Variants in LOXL2 observed in about 807,000 individuals in gnomAD.
LOXL2 encodes the protein lysyl oxidase homolog 2.
A neutral mutation model predicts 93.0 loss-of-function variants in LOXL2; 70 were observed. The ratio of observed to expected loss-of-function variants is 0.75; its 90% confidence interval spans 0.62 to 0.92. LOXL2 has a LOEUF of 0.92. Ranked by LOEUF, LOXL2 falls within the 40% of genes least tolerant of loss-of-function variation. The pLI, the probability that LOXL2 is intolerant of heterozygous loss-of-function variation, is 0.00. For synonymous variants in LOXL2, 438 were observed against 413.2 expected (o/e 1.06, Z -0.73); for missense variants, 973 against 1,054.9 (o/e 0.92, Z 1.08).
At chr8:23,302,392 C>T (rs993569380) in intron 11 of LOXL2, among the ~76,000 whole-genome samples, 3 of 152,160 alleles carry the variant, frequency 2.0e-5, no homozygotes, top group Admixed American at 6.5e-5. Context: ...TCCATGAAGC[C>T]CTCCCTGACC....
intron 1 of LOXL2, among the ~76,000 whole-genome samples, chr8:23,388,637 AC>A (rs1804799159): frequency 1.1e-5 from 1 of 87,122 alleles, no homozygotes; most frequent in Non-Finnish European, 2.6e-5. Flanking sequence ...ACACACACAC[AC>A]ACACACACAC....
At chr8:23,389,494 G>C (rs1024093583) in intron 1 of LOXL2, among the ~76,000 whole-genome samples, 1 of 152,142 alleles carries the variant, frequency 6.6e-6, no homozygotes, top group Non-Finnish European at 1.5e-5. Context: ...CATGACCTCT[G>C]ATCAATGACA....
chr8:23,328,242 C>A lies in LOXL2; in HGVS notation c.1150+140G>T. Reference sequence around the variant, plus strand: ...CTTTCAACTCTGTCTAGGGAGAGGCCTGGGATTCTCTCCCAGGCAGCCACT... The same window carrying A: ...CTTTCAACTCTGTCTAGGGAGAGGCATGGGATTCTCTCCCAGGCAGCCACT... On this transcript the variant is annotated intron_variant, in intron 6 of 13. Transcript: ENST00000389131. The A allele has an allele frequency of 3.6e-6, 3 of 836,832 alleles. No homozygotes were observed. In the South Asian group the frequency reaches 4.8e-5, roughly 13 times the overall value. 51.8% of individuals were successfully genotyped at this position (836,832 alleles called of 1,614,324 possible).
intron 1 of LOXL2, among the ~76,000 whole-genome samples, chr8:23,382,116 A>G (rs6557666): frequency 0.67 from 101,239 of 152,084 alleles, 34,057 homozygotes; most frequent in East Asian, 0.85. Flanking sequence ...GAAGTTCTGA[A>G]ATTATAGTTC....
chr8:23,319,924 G>A lies in LOXL2; in HGVS notation c.1431C>T (p.Cys477=), dbSNP rs1487332933. 6.2e-7 allele frequency: 1 copy of A among 1,613,986 alleles called. No homozygotes were observed. The change falls in exon 8 of 14, where the codon TGC becomes TGT. Residue 477 remains cysteine, a synonymous_variant. Coordinates refer to ENST00000389131, the MANE Select transcript of LOXL2 (RefSeq NM_002318.3). Reference sequence around the variant, plus strand: ...TGGCGAATCCCAGGCCCAGCTGGCGGCAGACCACCATGGCCTCCACGATGC... The same window carrying A: ...TGGCGAATCCCAGGCCCAGCTGGCGACAGACCACCATGGCCTCCACGATGC... ...NWGIVEAMVV[C]RQLGLGFASN... is the part of the protein sequence containing the mutation.
chr8:23,352,947 G>A lies in LOXL2; in HGVS notation c.531+7143C>T, dbSNP rs182282289. Among the ~76,000 whole-genome samples the A allele has an allele frequency of 2.8e-5, 4 of 141,316 alleles. No homozygotes were observed. The East Asian group carries it at 7.2e-4, about 25-fold the overall frequency. 92.7% of individuals were successfully genotyped at this position (141,316 alleles called of 152,430 possible). On this transcript the variant is annotated intron_variant, in intron 3 of 13. Transcript: ENST00000389131. ...GGATTTTCCAATCAGTTCCGGCAAT[G>A]GAATTGCTTTTTGCAAAAGAGCCTT...
intron 10 of LOXL2, among the ~76,000 whole-genome samples, chr8:23,307,463 C>T (rs1402472231): frequency 6.6e-6 from 1 of 152,128 alleles, no homozygotes. Flanking sequence ...AGTGGGGGAG[C>T]AGGGGGTTGG....
intron 5 of LOXL2, among the ~76,000 whole-genome samples, chr8:23,332,926 G>C (rs71504408): frequency 0.56 from 82,147 of 147,504 alleles, 23,120 homozygotes; most frequent in Non-Finnish European, 0.58. Context: ...CAGAGGGGGG[G>C]TGTTTCACAT....
At chr8:23,318,466 TAC>T (rs1803441776) in intron 8 of LOXL2, among the ~76,000 whole-genome samples, 1 of 141,962 alleles carries the variant, frequency 7.0e-6, no homozygotes, top group Non-Finnish European at 1.6e-5. Flanking sequence ...CACACAAAAA[TAC>T]ACATTCATAC....
At chr8:23,344,267 C>G (rs946270084) in intron 3 of LOXL2, among the ~76,000 whole-genome samples, 1 of 152,212 alleles carries the variant, frequency 6.6e-6, no homozygotes, top group African/African-American at 2.4e-5. Flanking sequence ...GGCAATGCAG[C>G]CTGGAGAAGA....
rs752794642 is a variant in LOXL2 at position 23,360,267 on chromosome 8, T to G, written c.356-2A>C. On this transcript the variant is annotated splice_acceptor_variant, in intron 2 of 13. Coordinates refer to ENST00000389131, the MANE Select transcript of LOXL2 (RefSeq NM_002318.3). LOFTEE classifies it high-confidence loss of function. The stretch of plus-strand genomic sequence containing the variant: ...GGAGATTGTCTAACCAGATGGGCCC[T>G]GAAGGAGGCAGAGAGGAGAGAAACC... 1 of 1,595,214 alleles carries G rather than the reference T, an allele frequency of 6.3e-7. No individual in the cohort carries two copies. Among genetic ancestry groups the G allele is most frequent in the East Asian group, 2.3e-5 (1 of 44,384 alleles).
intron 1 of LOXL2, among the ~76,000 whole-genome samples, chr8:23,395,658 C>T (rs1207091517): frequency 8.6e-5 from 13 of 151,996 alleles, no homozygotes. Context: ...GGGGTGGTTG[C>T]CAGGCATCAA....
chr8:23,352,736 G>A (rs891155105), intron 3 of LOXL2, among the ~76,000 whole-genome samples: 7 of 151,960 alleles, frequency 4.6e-5, no homozygotes, highest in African/African-American at 1.2e-4. Context: ...AGAAGAACGC[G>A]AGAGAGCAGA....
At chr8:23,373,254 G>A (rs1318672994) in intron 1 of LOXL2, among the ~76,000 whole-genome samples, 3 of 152,226 alleles carry the variant, frequency 2.0e-5, no homozygotes, top group Admixed American at 6.5e-5. Flanking sequence ...GCTGGAGTTC[G>A]CCTACAAGGT....
At chr8:23,322,376 C>T in intron 6 of LOXL2, 95 bp from the exon 7 acceptor site, 10 of 1,104,720 alleles carry the variant, frequency 9.1e-6, no homozygotes, top group Non-Finnish European at 1.3e-5. Flanking sequence ...ATGCCTCTCC[C>T]ATCCTCAGAA....
intron 4 of LOXL2, among the ~76,000 whole-genome samples, chr8:23,338,394 G>A (rs112799562): frequency 7.0e-4 from 104 of 149,256 alleles, no homozygotes; most frequent in African/African-American, 2.5e-3. Flanking sequence ...CACAGAGGGA[G>A]CCAGTCCAGT....
chr8:23,367,963 G>A lies in LOXL2; in HGVS notation c.355+34C>T. The A allele has an allele frequency of 3.2e-6, 5 of 1,564,330 alleles. No individual in the cohort carries two copies. In the South Asian group the frequency reaches 3.5e-5, roughly 11 times the overall value. On this transcript the variant is annotated intron_variant, in intron 2 of 13. Transcript: ENST00000389131. ...AAGGCCACTCCGGGCCTTGCCAGGT[G>A]ACAGCACTCAGATCCAAAGCACAGA...
chr8:23,380,996 C>T (rs1804673807), intron 1 of LOXL2, among the ~76,000 whole-genome samples: 1 of 152,020 alleles, frequency 6.6e-6, no homozygotes, highest in Non-Finnish European at 1.5e-5. Context: ...CAGAGAGAGA[C>T]TCTGTCTCAG....
chr8:23,325,956 G>A (rs1422274655), intron 6 of LOXL2, among the ~76,000 whole-genome samples: 1 of 152,220 alleles, frequency 6.6e-6, no homozygotes, highest in African/African-American at 2.4e-5. Flanking sequence ...AAGAATCTGA[G>A]GCCCAGAAGG....
Sources: gnomAD v4.1 joint callset for allele counts (sites outside exome capture counted in the v4.1 genomes callset) on GRCh38, gnomAD v4.1.1 for gene constraint, MANE v1.5 for transcripts, NCBI Gene and HGNC (gene_info 2026-07-23, HGNC 2026-07-21) for gene names.